The following PPP1R13B variants were observed in gnomAD, a reference collection of about 807,000 sequenced individuals.
PPP1R13B encodes the protein protein phosphatase 1 regulatory subunit 13B.
Under a neutral mutation model 119.8 loss-of-function variants are expected in PPP1R13B, and 44 were observed. The observed-to-expected ratio is 0.37, with a 90% CI of 0.29 to 0.47. The LOEUF is 0.47. Among genes scored for constraint, PPP1R13B ranks in the 20% least tolerant of loss-of-function variants. The probability of loss-of-function intolerance (pLI) is 0.99; values close to 1 mark genes in which losing one functional copy is unlikely to be tolerated. For missense variants in PPP1R13B, 1,227 were observed against 1,413.5 expected (o/e 0.87, Z 2.12); for synonymous variants, 542 against 561.5 (o/e 0.97, Z 0.49).
chr14:103,818,714 A>C (rs1280597955), intron 1 of PPP1R13B, among the ~76,000 whole-genome samples: 1 of 152,190 alleles, frequency 6.6e-6, no homozygotes, highest in Non-Finnish European at 1.5e-5. Context: ...AAAACACTTG[A>C]TGAAAAATGT....
Position 103,740,219 on chromosome 14 carries a change from G to A in PPP1R13B, c.2197C>T (p.Leu733=). The change falls in exon 12 of 17, where the codon CTG becomes TTG. Residue 733 remains leucine (L), a synonymous_variant. Coordinates refer to ENST00000202556, the MANE Select transcript of PPP1R13B (RefSeq NM_015316.3). The surrounding 1 kb of genome is among the most constrained non-coding windows in gnomAD (Gnocchi z 4.6). Reference sequence around the variant, plus strand: ...GGGGTGCCCTCCATGCCACCGGCCAGGGTGTTGAAGCGCTGGTACAGCAGC... The same window carrying A: ...GGGGTGCCCTCCATGCCACCGGCCAAGGTGTTGAAGCGCTGGTACAGCAGC... ...QKLLYQRFNT[L]AGGMEGTPFY... The A allele has an allele frequency of 6.2e-7, 1 of 1,613,562 alleles. No individual in the cohort carries two copies. Among genetic ancestry groups the A allele is most frequent in the African/African-American group, 1.3e-5 (1 of 75,070 alleles).
rs758852560 is a variant in PPP1R13B, at chr14:103,746,527, T to C, written c.996A>G (p.Ser332=). Residue 332 remains serine (S), a synonymous_variant, in exon 9 of 17, where the codon TCA becomes TCG. Coordinates refer to ENST00000202556, the MANE Select transcript of PPP1R13B (RefSeq NM_015316.3). ...IQLNRVNGTS[S]PQSPLSTSGR... is the part of the protein sequence containing the mutation. Reference sequence around the variant, plus strand: ...CCGATGTGCTCAGAGGGGACTGTGGTGATGACGTGCCATTCACACGGTTCA... The same window carrying C: ...CCGATGTGCTCAGAGGGGACTGTGGCGATGACGTGCCATTCACACGGTTCA... The C allele has an allele frequency of 6.2e-6, 10 of 1,603,690 alleles. No homozygotes were observed. In the Admixed American group the frequency reaches 1.2e-4, roughly 19 times the overall value.
chr14:103,847,743 G>C (rs2087100229), upstream of PPP1R13B: 1 of 612,580 alleles, frequency 1.6e-6, no homozygotes, highest in Admixed American at 6.4e-5. Flanking sequence ...GCGGCGGCCA[G>C]GTGCGTGCGC....
chr14:103,785,864 C>A (rs1042585644), intron 2 of PPP1R13B, among the ~76,000 whole-genome samples: 2 of 152,036 alleles, frequency 1.3e-5, no homozygotes, highest in Non-Finnish European at 2.9e-5. Flanking sequence ...CATGTTATTT[C>A]TTAAAATGTC....
At position 103,847,287 on chromosome 14, in the gene PPP1R13B, G is replaced by T; in HGVS notation, c.9+12C>A. The T allele has an allele frequency of 2.0e-6, 1 of 488,122 alleles. No individual in the cohort carries two copies. The highest frequency in any genetic ancestry group is 3.1e-6 in the Non-Finnish European group (1 of 322,158). 30.2% of individuals were successfully genotyped at this position (488,122 alleles called of 1,614,324 possible). ...AGGAAGCCGCCGCCACCTCCCGCCC[G>T]CCCTCACCCACCGGCATCATCGCGG... On this transcript the variant is annotated intron_variant, in intron 1 of 16. Coordinates refer to ENST00000202556, the MANE Select transcript of PPP1R13B (RefSeq NM_015316.3).
intron 4 of PPP1R13B, among the ~76,000 whole-genome samples, chr14:103,777,065 TC>T (rs1161569267): frequency 1.3e-5 from 2 of 151,854 alleles, no homozygotes; most frequent in Non-Finnish European, 2.9e-5. Context: ...CGATCTCGGC[TC>T]ATTGCAACCT....
At chr14:103,841,946 C>T (rs570976115) in intron 1 of PPP1R13B, among the ~76,000 whole-genome samples, 5 of 152,052 alleles carry the variant, frequency 3.3e-5, no homozygotes, top group African/African-American at 4.8e-5. Flanking sequence ...AACTGAGGCC[C>T]GAAGAGACTA....
chr14:103,777,815 A>C (rs2085242947), intron 4 of PPP1R13B, among the ~76,000 whole-genome samples: 1 of 151,594 alleles, frequency 6.6e-6, no homozygotes, highest in Admixed American at 6.6e-5. Flanking sequence ...AAAAAAAAAA[A>C]ACAGGGTCTT....
At chr14:103,762,245 T>G (rs958765585) in intron 4 of PPP1R13B, among the ~76,000 whole-genome samples, 2 of 152,214 alleles carry the variant, frequency 1.3e-5, no homozygotes, top group Non-Finnish European at 2.9e-5. Flanking sequence ...TGGTGCTTTT[T>G]CCTTCAATGC....
chr14:103,766,158 G>A (rs764513436), intron 4 of PPP1R13B, among the ~76,000 whole-genome samples: 10 of 151,918 alleles, frequency 6.6e-5, no homozygotes, highest in Non-Finnish European at 1.5e-4. Flanking sequence ...ACAGACGTAT[G>A]CCACCATGCC....
chr14:103,763,728 G>A (rs1203430422), intron 4 of PPP1R13B: 6 of 152,066 alleles, frequency 3.9e-5, no homozygotes, highest in Non-Finnish European at 7.4e-5. Flanking sequence ...ATAGAGTTGT[G>A]CAACCATCAC....
At chr14:103,831,217 A>G (rs2086657906) in intron 1 of PPP1R13B, among the ~76,000 whole-genome samples, 1 of 152,110 alleles carries the variant, frequency 6.6e-6, no homozygotes, top group Non-Finnish European at 1.5e-5. Flanking sequence ...TGCTGGGATT[A>G]CAGGCATGAG....
At chr14:103,763,701 G>A (rs1309417715) in intron 4 of PPP1R13B, among the ~76,000 whole-genome samples, 1 of 152,076 alleles carries the variant, frequency 6.6e-6, no homozygotes, top group Non-Finnish European at 1.5e-5. Context: ...GGAAAATTTA[G>A]TTATTTTAGC....
intron 16 of PPP1R13B, among the ~76,000 whole-genome samples, chr14:103,735,799 G>C (rs2084093640): frequency 6.6e-6 from 1 of 152,198 alleles, no homozygotes; most frequent in South Asian, 2.1e-4. Context: ...GGCCTCCATG[G>C]CATAAGCATG....
intron 1 of PPP1R13B, among the ~76,000 whole-genome samples, chr14:103,820,274 G>A (rs1345181024): frequency 2.6e-5 from 4 of 152,138 alleles, no homozygotes; most frequent in Admixed American, 2.0e-4. Context: ...CCAGCTCCAC[G>A]AAGTTGAAAG....
At chr14:103,839,387 G>T (rs1239202290) in intron 1 of PPP1R13B, among the ~76,000 whole-genome samples, 1 of 151,854 alleles carries the variant, frequency 6.6e-6, no homozygotes, top group Admixed American at 6.6e-5. Context: ...CAGCACTTTG[G>T]GGGGTTGAGG....
At chr14:103,844,651 C>G (rs554553508) in intron 1 of PPP1R13B, among the ~76,000 whole-genome samples, 1 of 152,024 alleles carries the variant, frequency 6.6e-6, no homozygotes, top group Admixed American at 6.6e-5. Flanking sequence ...ATCTCTCGAA[C>G]CTGGGAGGTG....
chr14:103,803,256 A>G lies in PPP1R13B; in HGVS notation c.10-5738T>C, dbSNP rs2085941829. Among the ~76,000 whole-genome samples, 5 of 152,234 alleles carry G rather than the reference A, an allele frequency of 3.3e-5. No individual in the cohort carries two copies. In the South Asian group the frequency reaches 1.0e-3, roughly 32 times the overall value. On this transcript the variant is annotated intron_variant, in intron 1 of 16. Transcript: ENST00000202556. ...ATTTTTTTCTTTAATAGTATGTACAAAACAGATGAAATTCAGTAGGATTAA... is the reference window on the plus strand; with the variant it reads ...ATTTTTTTCTTTAATAGTATGTACAGAACAGATGAAATTCAGTAGGATTAA...
chr14:103,848,597 A>G (rs2087130055), upstream of PPP1R13B: 1 of 700,660 alleles, frequency 1.4e-6, no homozygotes, highest in Non-Finnish European at 1.8e-6. Flanking sequence ...ATGGCCCCAG[A>G]CACAGAAGGC....
Sources: allele counts gnomAD v4.1 joint callset (sites outside exome capture counted in the v4.1 genomes callset), GRCh38; gene constraint gnomAD v4.1.1; non-coding constraint Gnocchi (gnomAD v3.1); transcripts MANE v1.5; gene names NCBI Gene and HGNC (gene_info 2026-07-23, HGNC 2026-07-21).